PCDH7: variants seen among roughly 807,000 people sequenced by gnomAD.
PCDH7 encodes the protein protocadherin-7.
PCDH7 carries 17 observed loss-of-function variants against 58.9 expected under a neutral mutation model. That is an observed-to-expected ratio of 0.29 (90% CI 0.20 to 0.43). The LOEUF is 0.43. PCDH7 is among the 20% of genes least tolerant of loss of function. The probability of loss-of-function intolerance (pLI) is 1.00; values close to 1 mark genes in which losing one functional copy is unlikely to be tolerated. For missense variants in PCDH7, 1,274 were observed against 1,441.0 expected, an observed-to-expected ratio of 0.88 and a Z score of 1.88; for synonymous variants, 664 against 616.4, an observed-to-expected ratio of 1.08 and a Z score of -1.14.
chr4:31,006,401 A>G (rs1356620003), intron 3 of PCDH7, among the ~76,000 whole-genome samples: 4 of 152,234 alleles, frequency 2.6e-5, no homozygotes, highest in Non-Finnish European at 5.9e-5. Context: ...ATGGAAGACC[A>G]TAGTTAAAGG....
intron 3 of PCDH7, among the ~76,000 whole-genome samples, chr4:30,993,101 T>C (rs1751597208): frequency 6.6e-6 from 1 of 152,080 alleles, no homozygotes; most frequent in African/African-American, 2.4e-5. Context: ...GCCCGGCCTG[T>C]CCCATTCGTT....
chr4:30,963,111 A>T (rs1190213257), intron 3 of PCDH7, among the ~76,000 whole-genome samples: 1 of 152,208 alleles, frequency 6.6e-6, no homozygotes, highest in Admixed American at 6.5e-5. Flanking sequence ...TGAAACTCAA[A>T]CCTTGGCTAA....
At chr4:30,860,323 A>G (rs761287312) in intron 1 of PCDH7, among the ~76,000 whole-genome samples, 1 of 152,172 alleles carries the variant, frequency 6.6e-6, no homozygotes, top group Non-Finnish European at 1.5e-5. Flanking sequence ...CTGATTGTCA[A>G]AAAAGACACC....
chr4:31,091,547 A>C (rs1713251598), intron 3 of PCDH7, among the ~76,000 whole-genome samples: 1 of 151,900 alleles, frequency 6.6e-6, no homozygotes, highest in Non-Finnish European at 1.5e-5. Flanking sequence ...GTGATTTTTC[A>C]AACTTTTATT....
At chr4:31,071,424 G>T (rs897520409) in intron 3 of PCDH7, among the ~76,000 whole-genome samples, 1 of 152,010 alleles carries the variant, frequency 6.6e-6, no homozygotes, top group East Asian at 1.9e-4. Flanking sequence ...AATGTTGTGT[G>T]CTTTTTTTGC....
chr4:31,101,865 G>A (rs934954125), intron 3 of PCDH7, among the ~76,000 whole-genome samples: 1 of 152,082 alleles, frequency 6.6e-6, no homozygotes, highest in East Asian at 1.9e-4. Flanking sequence ...ACACTCTCGT[G>A]GTAAAATATG....
At position 30,921,158 on chromosome 4, in the gene PCDH7, A is replaced by G. The variant is rs184361341; in HGVS notation, c.287+789A>G. ...TGATTTATTTTCTGGATTTTGAGTCATAAGTAAATGCCTGAGGAATAGGTT... is the reference window on the plus strand; with the variant it reads ...TGATTTATTTTCTGGATTTTGAGTCGTAAGTAAATGCCTGAGGAATAGGTT... On this transcript the variant is annotated intron_variant, in intron 2 of 3. Transcript: ENST00000509759. 5.6e-4 allele frequency among the ~76,000 whole-genome samples: 86 copies of G among 152,250 alleles called. 1 individual carries two copies. Among genetic ancestry groups the G allele is most frequent in the Middle Eastern group, 6.8e-3 (2 of 294 alleles).
intron 3 of PCDH7, among the ~76,000 whole-genome samples, chr4:31,135,652 A>G (rs1719509345): frequency 6.6e-6 from 1 of 152,188 alleles, no homozygotes; most frequent in Admixed American, 6.6e-5. Flanking sequence ...CATATGTTAT[A>G]AGACGTTATA....
intron 3 of PCDH7, among the ~76,000 whole-genome samples, chr4:31,016,157 G>A (rs764059464): frequency 6.6e-6 from 1 of 152,124 alleles, no homozygotes; most frequent in Non-Finnish European, 1.5e-5. Flanking sequence ...TAAAGTAACA[G>A]CTATTAATGA....
chr4:30,891,306 A>G (rs1487655660), intron 1 of PCDH7, among the ~76,000 whole-genome samples: 1 of 152,130 alleles, frequency 6.6e-6, no homozygotes, highest in Non-Finnish European at 1.5e-5. Flanking sequence ...TGAGAGTAAG[A>G]GCTTCATTAA....
At chr4:30,736,101 A>G (rs1716214799), downstream of PCDH7, among the ~76,000 whole-genome samples, 1 of 152,220 alleles carries the variant, frequency 6.6e-6, no homozygotes, top group Non-Finnish European at 1.5e-5. Flanking sequence ...TAGTAAAAAT[A>G]GTTGCCACTT....
chr4:30,854,011 G>A (rs115870658), intron 1 of PCDH7, among the ~76,000 whole-genome samples: 6 of 151,962 alleles, frequency 3.9e-5, no homozygotes, highest in South Asian at 2.1e-4. Flanking sequence ...CCAGTTCTAC[G>A]CAGAATCGGA....
intron 3 of PCDH7, among the ~76,000 whole-genome samples, chr4:31,097,123 G>A (rs553826346): frequency 5.9e-5 from 9 of 152,198 alleles, no homozygotes; most frequent in African/African-American, 2.2e-4. Flanking sequence ...CAAATAGAAA[G>A]TATGTGCCTG....
intron 3 of PCDH7, among the ~76,000 whole-genome samples, chr4:31,141,373 G>A (rs1720232006): frequency 1.3e-5 from 2 of 152,142 alleles, no homozygotes; most frequent in South Asian, 2.1e-4. Context: ...GTCATATTAT[G>A]TTCTTTTGTT....
chr4:30,743,511 CT>C (rs1369359917), intron 1 of PCDH7, among the ~76,000 whole-genome samples: 1 of 151,658 alleles, frequency 6.6e-6, no homozygotes, highest in Non-Finnish European at 1.5e-5. Context: ...GGGGGAGGGA[CT>C]TTTTCATCAA....
intron 3 of PCDH7, among the ~76,000 whole-genome samples, chr4:31,110,810 G>A (rs1418940411): frequency 6.6e-6 from 1 of 151,986 alleles, no homozygotes; most frequent in Non-Finnish European, 1.5e-5. Flanking sequence ...AGCTACTCGG[G>A]AGGCTGAGGC....
intron 1 of PCDH7, among the ~76,000 whole-genome samples, chr4:30,780,988 G>A (rs948745952): frequency 2.0e-5 from 3 of 152,102 alleles, no homozygotes; most frequent in Non-Finnish European, 4.4e-5. Flanking sequence ...AAATGTAAGA[G>A]CCAAGTAAGT....
At chr4:30,961,835 G>A (rs955774581) in intron 3 of PCDH7, among the ~76,000 whole-genome samples, 2 of 152,104 alleles carry the variant, frequency 1.3e-5, no homozygotes, top group East Asian at 1.9e-4. Flanking sequence ...CATCTCACCT[G>A]TTGTAGCAAA....
Position 30,722,660 on chromosome 4 carries a change from C to G in PCDH7, c.1238C>G (p.Pro413Arg). The change falls in exon 1 of 2, where the codon CCG becomes CGG. Residue 413 changes from proline to arginine, a missense_variant. This residue lies in a region of PCDH7 where 731 missense variants were observed against 881.9 expected (regional missense o/e 0.83). Coordinates refer to ENST00000361762, the Ensembl canonical transcript of PCDH7. The surrounding 1 kb of genome is among the most constrained non-coding windows in gnomAD (Gnocchi z 7.6). ...ATCAAAGACGAGAACGACAACGTGCCGTCCATTGAAATCCGCAAGATTGGG... is the reference window on the plus strand; with the variant it reads ...ATCAAAGACGAGAACGACAACGTGCGGTCCATTGAAATCCGCAAGATTGGG... The G allele has an allele frequency of 6.2e-7, 1 of 1,613,530 alleles. No homozygotes were observed. Among genetic ancestry groups the G allele is most frequent in the Non-Finnish European group, 8.5e-7 (1 of 1,180,034 alleles).
Sources: gnomAD v4.1 joint callset for allele counts (sites outside exome capture counted in the v4.1 genomes callset) on GRCh38, gnomAD v4.1.1 for gene constraint, gnomAD v4.1.1 regional missense constraint, Gnocchi (gnomAD v3.1) non-coding constraint, MANE v1.5 for transcripts, NCBI Gene and HGNC (gene_info 2026-07-23, HGNC 2026-07-21) for gene names.